FOXN4: variants seen among roughly 807,000 people sequenced by gnomAD.
FOXN4 encodes forkhead box protein N4.
A neutral mutation model predicts 45.0 loss-of-function variants in FOXN4; 12 were observed. That is an observed-to-expected ratio of 0.27 (90% CI 0.17 to 0.43). The LOEUF is 0.43. Among genes scored for constraint, FOXN4 ranks in the 20% least tolerant of loss-of-function variants. The pLI, the probability that FOXN4 is intolerant of heterozygous loss-of-function variation, is 1.00. For synonymous variants in FOXN4, 297 were observed against 295.0 expected, an observed-to-expected ratio of 1.01 and a Z score of -0.07; for missense variants, 560 against 694.9, an observed-to-expected ratio of 0.81 and a Z score of 2.18.
intron 2 of FOXN4, among the ~76,000 whole-genome samples, chr12:109,300,116 G>A (rs2047856418): frequency 6.6e-6 from 1 of 152,226 alleles, no homozygotes; most frequent in Admixed American, 6.5e-5. Context: ...TCACCCCAGT[G>A]GTGGTGGTCC....
At chr12:109,280,855 G>A (rs534871105) in intron 9 of FOXN4, among the ~76,000 whole-genome samples, 5 of 152,300 alleles carry the variant, frequency 3.3e-5, no homozygotes, top group South Asian at 2.1e-4. Context: ...ATGATCATGC[G>A]GCAAGGCAGC....
rs748968074 is a variant in FOXN4 at position 109,281,749 on chromosome 12, C to T, written c.952G>A (p.Gly318Ser). Residue 318 changes from glycine to serine, a missense_variant, in exon 9 of 10, where the codon GGC becomes AGC. By Grantham distance (56) the Gly-to-Ser change is moderately conservative. Around this residue, in one of 5 missense-constraint regions of FOXN4, gnomAD observed 315 missense variants for 350.5 expected, o/e 0.90. Coordinates refer to ENST00000299162, the MANE Select transcript of FOXN4 (RefSeq NM_213596.3). ...GGGGCCTCTGGTTCCCCCGGTTTGC[C>T]GGGGCGCCGGCAGCTTTCAGGCCGG... Reference protein sequence around the residue: ...SDRPESCRRPGKPGEPEAPVL... With the variant: ...SDRPESCRRPSKPGEPEAPVL... 93 of 1,604,640 alleles carry T rather than the reference C, an allele frequency of 5.8e-5. No homozygotes were observed. Among genetic ancestry groups the T allele is most frequent in the East Asian group, 2.9e-4 (13 of 44,746 alleles).
chr12:109,285,775 T>A (rs2047704182), intron 7 of FOXN4, among the ~76,000 whole-genome samples: 1 of 152,138 alleles, frequency 6.6e-6, no homozygotes, highest in Non-Finnish European at 1.5e-5. Flanking sequence ...GCCTGCTGGA[T>A]CTTCCATATT....
rs1424441780 is a variant in FOXN4 at position 109,287,373 on chromosome 12, G to C, written c.596+24C>G. The C allele has an allele frequency of 6.4e-7, 1 of 1,551,166 alleles. No individual in the cohort carries two copies. Among genetic ancestry groups the C allele is most frequent in the South Asian group, 1.2e-5 (1 of 84,038 alleles). ...CTCTCCCGGAGCCGCCCTTGGCCCT[G>C]ACCCGGCCCACCCTGGACCTCACCT... On this transcript the variant is annotated intron_variant, in intron 6 of 9. Transcript: ENST00000299162. This position sits in a 1 kb window ranked among gnomAD's most constrained non-coding sequence, Gnocchi z 4.1.
chr12:109,299,454 C>T (rs2047849202), intron 2 of FOXN4, among the ~76,000 whole-genome samples: 1 of 152,152 alleles, frequency 6.6e-6, no homozygotes, highest in African/African-American at 2.4e-5. Context: ...ACCCTAGAGG[C>T]TTCATCATCC....
At position 109,304,287 on chromosome 12, in the gene FOXN4, GAAA is replaced by G. The variant is rs1566005698; in HGVS notation, c.86+3946_86+3948del. 2.0e-3 allele frequency among the ~76,000 whole-genome samples: 97 copies of G among 49,582 alleles called. 3 individuals are homozygous for G. The highest frequency in any genetic ancestry group is 3.1e-3 in the Non-Finnish European group (70 of 22,842). 32.5% of individuals were successfully genotyped at this position (49,582 alleles called of 152,430 possible). Reference sequence around the variant, plus strand: ...AGAAAGAAAGAAAGAAAGAAAGAAAGAAAGAAAGGAGAAAGAAAGAAGGAAAGA... The same window carrying G: ...AGAAAGAAAGAAAGAAAGAAAGAAAGGAAAGGAGAAAGAAAGAAGGAAAGA... On this transcript the variant is annotated intron_variant, in intron 2 of 9. Coordinates refer to ENST00000299162, the MANE Select transcript of FOXN4 (RefSeq NM_213596.3).
intron 2 of FOXN4, among the ~76,000 whole-genome samples, chr12:109,304,221 GAGAAAGAAAGAAAGAA>G (rs58280775): frequency 0.043 from 3,522 of 82,480 alleles, 112 homozygotes; most frequent in South Asian, 0.054. Flanking sequence ...AGAAAAGAAA[GAGAAAGAAAGAAAGAA>G]AGAAAGAAAG....
chr12:109,290,820 G>A lies in FOXN4; in HGVS notation c.87-534C>T, dbSNP rs2047760341. 6.6e-6 allele frequency among the ~76,000 whole-genome samples: 1 copy of A among 152,188 alleles called. No homozygotes were observed. Among genetic ancestry groups the A allele is most frequent in the Non-Finnish European group, 1.5e-5 (1 of 68,026 alleles). ...GTGAGGAACATGGAACTTGGGAACG[G>A]TCTGCGTGGATGATCCTGCCATGTG... is the stretch of plus-strand genomic sequence containing the variant. On this transcript the variant is annotated intron_variant, in intron 2 of 9. Transcript: ENST00000299162. The surrounding 1 kb of genome is among the most constrained non-coding windows in gnomAD (Gnocchi z 5.1).
intron 2 of FOXN4, among the ~76,000 whole-genome samples, chr12:109,297,464 C>T (rs544645767): frequency 1.5e-4 from 23 of 152,312 alleles, no homozygotes; most frequent in Admixed American, 1.2e-3. Context: ...TCTCAGACTC[C>T]CAAGTAACTG....
chr12:109,287,914 A>G lies in FOXN4; in HGVS notation c.398T>C (p.Leu133Pro), dbSNP rs896702979. 1 of 1,549,596 alleles carries G rather than the reference A, an allele frequency of 6.5e-7. No homozygotes were observed. Among genetic ancestry groups the G allele is most frequent in the Non-Finnish European group, 8.7e-7 (1 of 1,146,822 alleles). Residue 133 changes from leucine (L) to proline (P), a missense_variant, in exon 5 of 10, where the codon CTG (leucine) becomes CCG (proline). Physicochemically the swap from Leu to Pro is moderately conservative, Grantham distance 98. Transcript: ENST00000299162. This position sits in a 1 kb window ranked among gnomAD's most constrained non-coding sequence, Gnocchi z 4.1. ...TGAGTACAGATGCGGCGGGTCCTGC[A>G]GGCCAGATGAGGGCTGGCCCCCCAC... ...FPVGGQPSSGLQDPPHLYSPA... is the reference protein window; with the variant it reads ...FPVGGQPSSGPQDPPHLYSPA...
At chr12:109,280,599 C>T (rs577952918) in intron 9 of FOXN4, among the ~76,000 whole-genome samples, 77 of 152,152 alleles carry the variant, frequency 5.1e-4, no homozygotes, top group Non-Finnish European at 8.8e-4. Flanking sequence ...TTCTTCAGCA[C>T]GTTGAACTAC....
chr12:109,304,228 AAAGAAAG>A (rs1230139771), intron 2 of FOXN4, among the ~76,000 whole-genome samples: 1 of 38,260 alleles, frequency 2.6e-5, no homozygotes, highest in African/African-American at 1.1e-4. Context: ...AAAGAGAAAG[AAAGAAAG>A]AAAGAAAGAA....
chr12:109,290,318 G>C lies in FOXN4; in HGVS notation c.87-32C>G, dbSNP rs1198425880. ...AGAGGAACAGAGAACTCGGGCGGGA[G>C]GGGGAGCTTAGGCCAGCTCCTGGGG... is the stretch of plus-strand genomic sequence containing the variant. On this transcript the variant is annotated intron_variant, in intron 2 of 9. Transcript: ENST00000299162. This position sits in a 1 kb window ranked among gnomAD's most constrained non-coding sequence, Gnocchi z 5.1. The C allele has an allele frequency of 3.3e-6, 5 of 1,519,888 alleles. No individual in the cohort carries two copies. The highest frequency in any genetic ancestry group is 2.5e-5 in the East Asian group (1 of 40,032). 94.2% of individuals were successfully genotyped at this position (1,519,888 alleles called of 1,614,324 possible). A position where few individuals can be genotyped will look rare whatever the true frequency, so the allele number is the denominator to read the frequency against.
At chr12:109,299,870 G>C in intron 2 of FOXN4, among the ~76,000 whole-genome samples, 1 of 152,172 alleles carries the variant, frequency 6.6e-6, no homozygotes, top group East Asian at 1.9e-4. Flanking sequence ...ATCCCAGCGG[G>C]GCAGCCCAGC....
At chr12:109,293,619 T>C (rs2136933169) in intron 2 of FOXN4, among the ~76,000 whole-genome samples, 1 of 152,346 alleles carries the variant, frequency 6.6e-6, no homozygotes, top group South Asian at 2.1e-4. Flanking sequence ...TGCCTCAGCC[T>C]CCTGAGTAGC....
Position 109,281,437 on chromosome 12 carries a change from C to T in FOXN4, c.1264G>A (p.Asp422Asn), listed in dbSNP as rs757089691. 22 of 1,613,842 alleles carry T rather than the reference C, an allele frequency of 1.4e-5. No individual in the cohort carries two copies. The highest frequency in any genetic ancestry group is 2.7e-5 in the African/African-American group (2 of 74,920). Residue 422 changes from aspartate (D) to asparagine (N), a missense_variant, in exon 9 of 10, where the codon GAC becomes AAC. By Grantham distance (23) the Asp-to-Asn change is conservative (BLOSUM62 1). Transcript: ENST00000299162. ...TDMNTEVDAL[D>N]PSIMDFALQG... ...AGAGCGAAGTCCATGATGCTCGGGTCGAGGGCATCCACCTCAGTGTTCATG... is the reference window on the plus strand; with the variant it reads ...AGAGCGAAGTCCATGATGCTCGGGTTGAGGGCATCCACCTCAGTGTTCATG...
rs865980387 is a variant in FOXN4, at chr12:109,279,374, G to A, written c.*297C>T. ...CTCACTCAACACGGGCAGGCATTGCGGCTCAGGCCTCGGAGGAGTGTCAAG... is the reference window on the plus strand; with the variant it reads ...CTCACTCAACACGGGCAGGCATTGCAGCTCAGGCCTCGGAGGAGTGTCAAG... On this transcript the variant is annotated 3_prime_UTR_variant, in exon 10 of 10. Transcript: ENST00000299162. 2.4e-5 allele frequency: 11 copies of A among 457,284 alleles called. No homozygotes were observed. The highest frequency in any genetic ancestry group is 3.4e-5 in the Admixed American group (1 of 29,432). The allele number at this position is 457,284 out of a possible 1,614,324, so 28.3% of individuals were successfully genotyped here. A position where few individuals can be genotyped will look rare whatever the true frequency, so the allele number is the denominator to read the frequency against.
At chr12:109,306,474 G>T (rs1466549892) in intron 2 of FOXN4, among the ~76,000 whole-genome samples, 1 of 152,190 alleles carries the variant, frequency 6.6e-6, no homozygotes, top group African/African-American at 2.4e-5. Flanking sequence ...AGCTCTTAAA[G>T]CCAACCTGGA....
At position 109,279,292 on chromosome 12, in the gene FOXN4, C is replaced by A; in HGVS notation, c.*379G>T. The A allele has an allele frequency of 3.5e-6, 1 of 287,284 alleles. No individual in the cohort carries two copies. The highest frequency in any genetic ancestry group is 6.7e-6 in the Non-Finnish European group (1 of 148,860). 17.8% of individuals were successfully genotyped at this position (287,284 alleles called of 1,614,324 possible). ...GTGTTTCCTTAATGCACCAAGGTGT[C>A]CCAAAATGGGGTGCAGGTCACTGAG... is the stretch of plus-strand genomic sequence containing the variant. On this transcript the variant is annotated 3_prime_UTR_variant, in exon 10 of 10. Coordinates refer to ENST00000299162, the MANE Select transcript of FOXN4 (RefSeq NM_213596.3).
Sources: allele counts gnomAD v4.1 joint callset (sites outside exome capture counted in the v4.1 genomes callset), GRCh38; gene constraint gnomAD v4.1.1; regional missense constraint gnomAD v4.1.1; non-coding constraint Gnocchi (gnomAD v3.1); transcripts MANE v1.5; gene names NCBI Gene and HGNC (gene_info 2026-07-23, HGNC 2026-07-21).